Variants in RBMS3 observed in about 807,000 individuals in gnomAD.
RBMS3 encodes the protein RNA-binding motif, single-stranded-interacting protein 3.
RBMS3 carries 27 observed loss-of-function variants against 66.8 expected under a neutral mutation model. The observed-to-expected ratio is 0.40, with a 90% confidence interval of 0.30 to 0.56. The LOEUF (loss-of-function observed/expected upper bound fraction) is 0.56. Among genes scored for constraint, RBMS3 ranks in the 20% least tolerant of loss-of-function variants. RBMS3 has a pLI of 0.40. For missense variants in RBMS3, 513 were observed against 549.5 expected, an observed-to-expected ratio of 0.93 and a Z score of 0.66; for synonymous variants, 188 against 183.0, an observed-to-expected ratio of 1.03 and a Z score of -0.22.
At chr3:29,979,253 AT>A (rs1184800154) in intron 12 of RBMS3, among the ~76,000 whole-genome samples, 2 of 152,160 alleles carry the variant, frequency 1.3e-5, no homozygotes, top group Non-Finnish European at 2.9e-5. Flanking sequence ...TAGGTAAAGC[AT>A]TTTGCTTGAC....
intron 1 of RBMS3, among the ~76,000 whole-genome samples, chr3:29,358,371 T>C (rs1297397444): frequency 6.6e-6 from 1 of 152,180 alleles, no homozygotes; most frequent in Non-Finnish European, 1.5e-5. Context: ...TGTGGTATTA[T>C]TTCTAAGGGC....
At chr3:29,370,794 T>A (rs532859160) in intron 1 of RBMS3, among the ~76,000 whole-genome samples, 65 of 152,354 alleles carry the variant, frequency 4.3e-4, no homozygotes, top group African/African-American at 1.5e-3. Context: ...TATATAGATT[T>A]GTTCAATGGC....
intron 4 of RBMS3, among the ~76,000 whole-genome samples, chr3:29,737,831 AGTGTGTGTGTGT>A (rs3070725): frequency 3.2e-4 from 46 of 145,844 alleles, no homozygotes; most frequent in East Asian, 8.1e-4. Context: ...GTGATAGTGG[AGTGTGTGTGTGT>A]GTGTGTGTGT....
At chr3:29,395,364 A>T (rs993241671) in intron 1 of RBMS3, among the ~76,000 whole-genome samples, 5 of 152,218 alleles carry the variant, frequency 3.3e-5, no homozygotes, top group African/African-American at 1.2e-4. Context: ...AACGGCATGT[A>T]GGGTATGGGG....
At chr3:29,726,011 C>A (rs193135049) in intron 4 of RBMS3, among the ~76,000 whole-genome samples, 5 of 152,242 alleles carry the variant, frequency 3.3e-5, no homozygotes, top group Middle Eastern at 3.4e-3. Flanking sequence ...TTATCCACCA[C>A]AATCAAGTTG....
intron 2 of RBMS3, among the ~76,000 whole-genome samples, chr3:29,448,566 T>C (rs1385796108): frequency 6.6e-6 from 1 of 152,190 alleles, no homozygotes; most frequent in Admixed American, 6.5e-5. Flanking sequence ...TCACTCCATG[T>C]TTGAATTGCA....
chr3:29,731,033 G>T (rs888070940), intron 4 of RBMS3: 6 of 985,148 alleles, frequency 6.1e-6, no homozygotes, highest in Non-Finnish European at 7.2e-6. Context: ...TAGTCATAAA[G>T]GCTGGAGATC....
intron 1 of RBMS3, among the ~76,000 whole-genome samples, chr3:29,361,018 C>G (rs1157155796): frequency 6.6e-6 from 1 of 151,766 alleles, no homozygotes; most frequent in Non-Finnish European, 1.5e-5. Flanking sequence ...CAGTCTGTGT[C>G]TTTTAATTGG....
At chr3:29,649,514 A>G (rs555364774) in intron 4 of RBMS3, among the ~76,000 whole-genome samples, 77 of 152,310 alleles carry the variant, frequency 5.1e-4, no homozygotes, top group African/African-American at 1.7e-3. Context: ...GGTGTGCATT[A>G]CTTAGGCTCT....
intron 1 of RBMS3, among the ~76,000 whole-genome samples, chr3:29,326,968 G>A (rs1181313618): frequency 1.3e-5 from 2 of 152,142 alleles, no homozygotes; most frequent in African/African-American, 4.8e-5. Flanking sequence ...CTGACCTCAT[G>A]ATCTGCCCGC....
At chr3:29,545,573 G>A (rs1374851589) in intron 3 of RBMS3, among the ~76,000 whole-genome samples, 1 of 152,180 alleles carries the variant, frequency 6.6e-6, no homozygotes, top group Non-Finnish European at 1.5e-5. Context: ...TCAGCGCTAT[G>A]TTGAAGACAA....
chr3:29,691,931 T>TTCTCTCTCTC (rs146758867), intron 4 of RBMS3, among the ~76,000 whole-genome samples: 11,727 of 113,194 alleles, frequency 0.1, 903 homozygotes, highest in Middle Eastern at 0.21. Context: ...TGTGTGACCC[T>TTCTCTCTCTC]TCTCTCTCTC....
At chr3:29,733,626 G>T (rs2054232307) in intron 4 of RBMS3, among the ~76,000 whole-genome samples, 1 of 152,014 alleles carries the variant, frequency 6.6e-6, no homozygotes, top group Non-Finnish European at 1.5e-5. Flanking sequence ...TAGTGATGTT[G>T]AGTATATTTC....
At chr3:29,536,698 T>A (rs1440436809) in intron 3 of RBMS3, among the ~76,000 whole-genome samples, 2 of 152,226 alleles carry the variant, frequency 1.3e-5, no homozygotes, top group Non-Finnish European at 2.9e-5. Context: ...GTTTGTGATT[T>A]ATTTGTTTTC....
chr3:29,566,106 G>A (rs764169575), intron 3 of RBMS3, among the ~76,000 whole-genome samples: 1 of 152,158 alleles, frequency 6.6e-6, no homozygotes, highest in Non-Finnish European at 1.5e-5. Context: ...TCAATGGCTA[G>A]TATGAGCCAG....
chr3:29,729,810 G>A (rs7637751), intron 4 of RBMS3, among the ~76,000 whole-genome samples: 2 of 142,992 alleles, frequency 1.4e-5, no homozygotes, highest in East Asian at 4.2e-4. Context: ...AGCCCTCATA[G>A]CCAAGACAAT....
chr3:29,281,132 T>TC lies in RBMS3; in HGVS notation c.-549dup, dbSNP rs1553625671. The TC allele has an allele frequency of 4.3e-4, 58 of 135,988 alleles. No individual in the cohort carries two copies. The highest frequency in any genetic ancestry group is 2.2e-3 in the East Asian group (10 of 4,528). The allele number at this position is 135,988 out of a possible 1,614,324, so 8.4% of individuals were successfully genotyped here. ...GTACAAGGTTTTTTTTTTTTTTTTT[T>TC]CTTCCTTTTTTTCTTTTTTTTTTTC... On this transcript the variant is annotated 5_prime_UTR_variant, in exon 1 of 15. Coordinates refer to ENST00000383767, the MANE Select transcript of RBMS3 (RefSeq NM_001003793.3).
At chr3:30,000,861 G>A (rs570365767) in intron 14 of RBMS3, among the ~76,000 whole-genome samples, 3 of 152,082 alleles carry the variant, frequency 2.0e-5, no homozygotes, top group East Asian at 3.9e-4. Context: ...ATCGGGGGTG[G>A]GCGCATCACA....
intron 2 of RBMS3, among the ~76,000 whole-genome samples, chr3:29,461,149 C>T (rs138202343): frequency 0.018 from 2,811 of 152,086 alleles, 45 homozygotes; most frequent in Middle Eastern, 0.044. Flanking sequence ...TTCATTTTCT[C>T]CTCTTCTTCC....
Sources: allele counts gnomAD v4.1 joint callset (sites outside exome capture counted in the v4.1 genomes callset), GRCh38; gene constraint gnomAD v4.1.1; transcripts MANE v1.5; gene names NCBI Gene and HGNC (gene_info 2026-07-23, HGNC 2026-07-21).